Variants in GTF3C1 observed in about 807,000 individuals in gnomAD.
The protein encoded by GTF3C1 is general transcription factor 3C polypeptide 1.
A neutral mutation model predicts 226.7 loss-of-function variants in GTF3C1; 57 were observed. The ratio of observed to expected loss-of-function variants is 0.25; its 90% CI spans 0.20 to 0.31. The LOEUF is 0.31. Among genes scored for constraint, GTF3C1 ranks in the 10% least tolerant of loss-of-function variants. The probability of loss-of-function intolerance (pLI) is 1.00; values close to 1 mark genes in which losing one functional copy is unlikely to be tolerated. For synonymous variants in GTF3C1, 1,090 were observed against 1,084.8 expected, an observed-to-expected ratio of 1.00 and a Z score of -0.09; for missense variants, 2,217 against 2,776.1, an observed-to-expected ratio of 0.80 and a Z score of 4.53.
chr16:27,510,274 T>C (rs2088553763), intron 7 of GTF3C1, among the ~76,000 whole-genome samples: 1 of 151,878 alleles, frequency 6.6e-6, no homozygotes, highest in Non-Finnish European at 1.5e-5. Context: ...TAGTCCCAAG[T>C]ACTCGGGAGG....
At chr16:27,475,663 C>A (rs151311409) in intron 29 of GTF3C1, among the ~76,000 whole-genome samples, 1 of 152,060 alleles carries the variant, frequency 6.6e-6, no homozygotes, top group Non-Finnish European at 1.5e-5. Context: ...CAGGCTCCAC[C>A]GGGGGTTCGA....
At position 27,461,778 on chromosome 16, in the gene GTF3C1, C is replaced by T. The variant is rs1287989638; in HGVS notation, c.6118-216G>A. 1.4e-5 allele frequency: 8 copies of T among 569,310 alleles called. No individual in the cohort carries two copies. Among genetic ancestry groups the T allele is most frequent in the African/African-American group, 3.7e-5 (2 of 53,496 alleles). 35.3% of individuals were successfully genotyped at this position (569,310 alleles called of 1,614,324 possible). ...AGCTGCCTGAGCAGCACGTGTACAG[C>T]GCTGGCTGGAGCCACCACGCTGAAT... On this transcript the variant is annotated intron_variant, in intron 36 of 36. Transcript: ENST00000356183. This position sits in a 1 kb window ranked among gnomAD's most constrained non-coding sequence, Gnocchi z 5.3.
chr16:27,514,533 T>C (rs1317344203), intron 6 of GTF3C1, among the ~76,000 whole-genome samples: 1 of 152,024 alleles, frequency 6.6e-6, no homozygotes, highest in Admixed American at 6.6e-5. Context: ...CACCATGCCA[T>C]TCCCCCCTAG....
At chr16:27,497,547 G>A in intron 14 of GTF3C1, 90 bp downstream of exon 14, 1 of 1,037,666 alleles carries the variant, frequency 9.6e-7, no homozygotes, top group South Asian at 1.5e-5. Context: ...GCGGCTCGGA[G>A]CTCAAATGGA....
Position 27,537,882 on chromosome 16 carries a change from T to C in GTF3C1, c.654A>G (p.Lys218=), listed in dbSNP as rs2089024784. The C allele has an allele frequency of 6.2e-7, 1 of 1,613,954 alleles. No individual in the cohort carries two copies. Among genetic ancestry groups the C allele is most frequent in the South Asian group, 1.1e-5 (1 of 91,086 alleles). ...GGGACTGCATTGTAATCAGCCCGTTTTTGTTCAAAATTTTTCTGTGATAGT... is the reference window on the plus strand; with the variant it reads ...GGGACTGCATTGTAATCAGCCCGTTCTTGTTCAAAATTTTTCTGTGATAGT... ...KLHYHRKILN[K]NGLITMQSHV... The change falls in exon 4 of 37, where the codon AAA becomes AAG. Residue 218 remains lysine (K), a synonymous_variant. Transcript: ENST00000356183.
At chr16:27,503,060 A>G (rs2088431427) in intron 10 of GTF3C1, 65 bp from the exon 11 acceptor site, 8 of 1,267,544 alleles carry the variant, frequency 6.3e-6, no homozygotes, top group Non-Finnish European at 9.2e-6. Flanking sequence ...CACGCACCAC[A>G]CCTGTGGGTG....
chr16:27,496,197 G>C lies in GTF3C1; in HGVS notation c.2351-705C>G, dbSNP rs142299803. Among the ~76,000 whole-genome samples, 1,016 of 152,190 alleles carry C rather than the reference G, an allele frequency of 6.7e-3. 16 individuals carry two copies. Among genetic ancestry groups the C allele is most frequent in the African/African-American group, 0.023 (958 of 41,516 alleles). ...CTGTCATGGCTGGAAGCTTCCTGAG[G>C]CCTCAGTAGAACCCAAGCAAATGCT... On this transcript the variant is annotated intron_variant, in intron 14 of 36. Coordinates refer to ENST00000356183, the MANE Select transcript of GTF3C1 (RefSeq NM_001520.4).
chr16:27,488,235 T>C lies in GTF3C1; in HGVS notation c.3692A>G (p.Lys1231Arg). The change falls in exon 23 of 37, where the codon AAG becomes AGG. Residue 1231 changes from lysine to arginine, a missense_variant. By Grantham distance (26) the Lys-to-Arg change is conservative. Around this residue, in one of 12 missense-constraint regions of GTF3C1, gnomAD observed 546 missense variants for 663.0 expected, o/e 0.82. Coordinates refer to ENST00000356183, the MANE Select transcript of GTF3C1 (RefSeq NM_001520.4). ...AATGATCACCACATAACCTTTCTTC[T>C]TTCTCTTGATCTTCTTCCCAGGGTC... ...KKDPGKKIKR[K>R]KKGEFPGEKS... 1.2e-6 allele frequency: 2 copies of C among 1,613,744 alleles called. No individual in the cohort carries two copies. Among genetic ancestry groups the C allele is most frequent in the Non-Finnish European group, 1.7e-6 (2 of 1,179,792 alleles).
At chr16:27,498,492 G>C in intron 13 of GTF3C1, 138 bp downstream of exon 13, 1 of 694,706 alleles carries the variant, frequency 1.4e-6, no homozygotes, top group South Asian at 1.6e-5. Flanking sequence ...GAGACTAGGA[G>C]ATCATGAACC....
At chr16:27,513,681 G>A (rs923815981) in intron 6 of GTF3C1, among the ~76,000 whole-genome samples, 9 of 152,160 alleles carry the variant, frequency 5.9e-5, no homozygotes, top group Admixed American at 4.6e-4. Flanking sequence ...TTACCCCAGC[G>A]AAAGCCATTT....
chr16:27,476,096 C>T (rs1393706439), intron 29 of GTF3C1, among the ~76,000 whole-genome samples: 1 of 152,156 alleles, frequency 6.6e-6, no homozygotes, highest in African/African-American at 2.4e-5. Flanking sequence ...AGGTGACAAT[C>T]TGGTGCTGTA....
rs746707529 is a variant in GTF3C1 at position 27,507,053 on chromosome 16, C to T, written c.1346G>A (p.Arg449His). 1 of 1,613,484 alleles carries T rather than the reference C, an allele frequency of 6.2e-7. No individual in the cohort carries two copies. Among genetic ancestry groups the T allele is most frequent in the East Asian group, 2.2e-5 (1 of 44,878 alleles). ...GCTCACGGTGGTCAAGAGCTCGCTGCGGGCCTTCTCTCTTTGGTACTGCCG... is the reference window on the plus strand; with the variant it reads ...GCTCACGGTGGTCAAGAGCTCGCTGTGGGCCTTCTCTCTTTGGTACTGCCG... ...LSRQYQREKA[R>H]SELLTTVSLA... The change falls in exon 9 of 37, where the codon CGC becomes CAC. Residue 449 changes from arginine to histidine, a missense_variant. This residue lies in a region of GTF3C1 where 173 missense variants were observed against 207.2 expected (regional missense o/e 0.83). Transcript: ENST00000356183. This position sits in a 1 kb window ranked among gnomAD's most constrained non-coding sequence, Gnocchi z 4.9.
chr16:27,482,129 C>T (rs1473500183), intron 26 of GTF3C1, among the ~76,000 whole-genome samples: 1 of 152,162 alleles, frequency 6.6e-6, no homozygotes, highest in African/African-American at 2.4e-5. Flanking sequence ...GGGTCTATTG[C>T]AGCCCCTCTC....
intron 6 of GTF3C1, among the ~76,000 whole-genome samples, chr16:27,514,950 TG>T (rs910297824): frequency 5.9e-5 from 9 of 151,866 alleles, no homozygotes; most frequent in African/African-American, 2.2e-4. Context: ...ACACAGCACT[TG>T]GGGGAGTCAG....
intron 25 of GTF3C1, among the ~76,000 whole-genome samples, chr16:27,483,754 T>G (rs932078129): frequency 6.6e-6 from 1 of 152,176 alleles, no homozygotes; most frequent in Non-Finnish European, 1.5e-5. Flanking sequence ...TTCTCAGCTC[T>G]GCTAAGAACA....
chr16:27,534,288 T>C (rs558066026), intron 4 of GTF3C1, among the ~76,000 whole-genome samples: 12 of 152,298 alleles, frequency 7.9e-5, no homozygotes, highest in African/African-American at 2.6e-4. Context: ...TTAAAAACAT[T>C]GAGGGCCCTT....
Position 27,528,692 on chromosome 16 carries a change from C to G in GTF3C1, c.879G>C (p.Leu293=), listed in dbSNP as rs758716295. Residue 293 remains leucine, a synonymous_variant, in exon 6 of 37, where the codon CTG becomes CTC. Coordinates refer to ENST00000356183, the MANE Select transcript of GTF3C1 (RefSeq NM_001520.4). ...LGLCERTFKR[L]YQYMLNAGLA... is the part of the protein sequence containing the mutation. ...GCCCGGCGTTCAGCATATACTGGTA[C>G]AGACGCTTAAACGTCCTTTCGCACA... 1.2e-6 allele frequency: 2 copies of G among 1,613,568 alleles called. No homozygotes were observed. The highest frequency in any genetic ancestry group is 1.1e-5 in the South Asian group (1 of 91,070).
Position 27,486,095 on chromosome 16 carries a change from C to A in GTF3C1, c.3760G>T (p.Ala1254Ser). 1 of 1,607,006 alleles carries A rather than the reference C, an allele frequency of 6.2e-7. No individual in the cohort carries two copies. The highest frequency in any genetic ancestry group is 8.5e-7 in the Non-Finnish European group (1 of 1,173,602). The change falls in exon 24 of 37, where the codon GCC (alanine) becomes TCC (serine). Residue 1254 changes from alanine to serine, a missense_variant. By Grantham distance (99) the Ala-to-Ser change is moderately conservative. Around this residue, in one of 12 missense-constraint regions of GTF3C1, gnomAD observed 546 missense variants for 663.0 expected, o/e 0.82. Coordinates refer to ENST00000356183, the MANE Select transcript of GTF3C1 (RefSeq NM_001520.4). ...LRYHDEADQS[A>S]LQRMTRLRVT... ...CGAAGCCGCGTCATCCGCTGCAGGGCACTCTGGTCGGCTTCATCATGGTAG... is the reference window on the plus strand; with the variant it reads ...CGAAGCCGCGTCATCCGCTGCAGGGAACTCTGGTCGGCTTCATCATGGTAG...
rs2088575550 is a variant in GTF3C1, at chr16:27,511,809, T to C, written c.1066A>G (p.Thr356Ala). The change falls in exon 7 of 37, where the codon ACA becomes GCA. Residue 356 changes from threonine (T) to alanine (A), a missense_variant. Physicochemically the swap from Thr to Ala is moderately conservative, Grantham distance 58. Coordinates refer to ENST00000356183, the MANE Select transcript of GTF3C1 (RefSeq NM_001520.4). ...AACACAATGTCCACTGGAGGCACTG[T>C]CTTGGAGATGACCTCCTCGTCCTCG... ...DDEDEEVISK[T>A]VPPVDIVFER... 1.2e-6 allele frequency: 2 copies of C among 1,614,192 alleles called. No homozygotes were observed. Among genetic ancestry groups the C allele is most frequent in the South Asian group, 1.1e-5 (1 of 91,082 alleles).
Sources: gnomAD v4.1 joint callset for allele counts (sites outside exome capture counted in the v4.1 genomes callset) on GRCh38, gnomAD v4.1.1 for gene constraint, gnomAD v4.1.1 regional missense constraint, Gnocchi (gnomAD v3.1) non-coding constraint, MANE v1.5 for transcripts, NCBI Gene and HGNC (gene_info 2026-07-23, HGNC 2026-07-21) for gene names.